Variants in GCH1 observed in about 807,000 individuals in gnomAD.
GCH1 encodes the protein GTP cyclohydrolase 1, also known as GTP cyclohydrolase I.
GCH1 carries 5 observed loss-of-function variants against 25.9 expected under a neutral mutation model. The observed-to-expected ratio is 0.19, with a 90% confidence interval of 0.10 to 0.41. The LOEUF (loss-of-function observed/expected upper bound fraction) is 0.41. GCH1 is among the 10% of genes least tolerant of loss of function. The probability of loss-of-function intolerance (pLI) is 1.00; values close to 1 mark genes in which losing one functional copy is unlikely to be tolerated. For synonymous variants in GCH1, 159 were observed against 129.6 expected (o/e 1.23, Z -1.54); for missense variants, 261 against 336.5 (o/e 0.78, Z 1.75).
rs2039592747 is a variant in GCH1 at position 54,843,599 on chromosome 14, CG to C, written c.*417del. The C allele has an allele frequency of 2.1e-6, 3 of 1,442,068 alleles. No homozygotes were observed. Among genetic ancestry groups the C allele is most frequent in the South Asian group, 3.1e-5 (2 of 65,146 alleles). The allele number at this position is 1,442,068 out of a possible 1,614,324, so 89.3% of individuals were successfully genotyped here. A position where few individuals can be genotyped will look rare whatever the true frequency, so the allele number is the denominator to read the frequency against. The stretch of plus-strand genomic sequence containing the variant: ...ACCGCACTAAATATTTTAGCACTTT[CG>C]GCACTACACCACTTTTATTGGAGGA... On this transcript the variant is annotated 3_prime_UTR_variant, in exon 6 of 6. Transcript: ENST00000491895.
rs536123445 is a variant in GCH1, at chr14:54,863,746, G to A, written c.453+1581C>T. 5.9e-5 allele frequency among the ~76,000 whole-genome samples: 9 copies of A among 152,250 alleles called. No homozygotes were observed. The East Asian group carries it at 7.7e-4, about 13-fold the overall frequency. On this transcript the variant is annotated intron_variant, in intron 2 of 5. Transcript: ENST00000491895. ...AGAAAACGAATCCATAGGGTTATAAGTTGATAAACTGATACAAAGGATGGA... is the reference window on the plus strand; with the variant it reads ...AGAAAACGAATCCATAGGGTTATAAATTGATAAACTGATACAAAGGATGGA...
intron 1 of GCH1, among the ~76,000 whole-genome samples, chr14:54,871,788 GT>G (rs1300076555): frequency 1.0e-4 from 15 of 149,406 alleles, no homozygotes; most frequent in Non-Finnish European, 2.2e-4. Context: ...AAGAAGAGAA[GT>G]TTAGAGAAAA....
chr14:54,885,519 A>G (rs982596928), intron 1 of GCH1: 3 of 328,348 alleles, frequency 9.1e-6, no homozygotes, highest in South Asian at 2.9e-5. Flanking sequence ...CCAAACCTAC[A>G]CCTGGCTTCT....
At chr14:54,897,569 G>A (rs902678278) in intron 1 of GCH1, among the ~76,000 whole-genome samples, 3 of 151,998 alleles carry the variant, frequency 2.0e-5, no homozygotes, top group Non-Finnish European at 2.9e-5. Flanking sequence ...GATTACAGGC[G>A]TGAGCCACCG....
intron 1 of GCH1, among the ~76,000 whole-genome samples, chr14:54,886,541 A>G (rs377362698): frequency 3.3e-5 from 5 of 152,098 alleles, no homozygotes; most frequent in Non-Finnish European, 5.9e-5. Flanking sequence ...GAACCCGGGA[A>G]GCGGAGCTTG....
Position 54,902,612 on chromosome 14 carries a change from A to T in GCH1, c.52T>A (p.Cys18Ser), listed in dbSNP as rs1299121897. 6.7e-7 allele frequency: 1 copy of T among 1,490,710 alleles called. No homozygotes were observed. Among genetic ancestry groups the T allele is most frequent in the Non-Finnish European group, 8.9e-7 (1 of 1,122,640 alleles). 92.3% of individuals were successfully genotyped at this position (1,490,710 alleles called of 1,614,324 possible). A position where few individuals can be genotyped will look rare whatever the true frequency, so the allele number is the denominator to read the frequency against. Residue 18 changes from cysteine to serine, a missense_variant, in exon 1 of 6, where the codon TGC becomes AGC. Physicochemically the swap from Cys to Ser is moderately radical, Grantham distance 112. Around this residue, in one of 3 missense-constraint regions of GCH1, gnomAD observed 125 missense variants for 128.7 expected, o/e 0.97. Transcript: ENST00000491895. ...TCCCGCTCGGGGAACCCATTGCTGCACCTGGCGCCCCGCGGCTTCTCCGCC... is the reference window on the plus strand; with the variant it reads ...TCCCGCTCGGGGAACCCATTGCTGCTCCTGGCGCCCCGCGGCTTCTCCGCC... ...APAEKPRGAR[C>S]SNGFPERDPP...
intron 3 of GCH1, among the ~76,000 whole-genome samples, chr14:54,854,900 T>C (rs2039785506): frequency 6.6e-6 from 1 of 152,210 alleles, no homozygotes; most frequent in African/African-American, 2.4e-5. Flanking sequence ...TTTATTAGAG[T>C]ATAAACTGGC....
intron 2 of GCH1, among the ~76,000 whole-genome samples, chr14:54,862,382 T>C (rs2039913000): frequency 7.4e-6 from 1 of 135,488 alleles, no homozygotes; most frequent in Non-Finnish European, 1.5e-5. Context: ...CACTACTCTT[T>C]TTTTTTTTTT....
Position 54,843,786 on chromosome 14 carries a change from T to C in GCH1, c.*231A>G, listed in dbSNP as rs757509022. ...TGGTTTTGTGCACGTACTTACACTATTAGCAGTTCACTTTAATATTGCCAC... is the reference window on the plus strand; with the variant it reads ...TGGTTTTGTGCACGTACTTACACTACTAGCAGTTCACTTTAATATTGCCAC... On this transcript the variant is annotated 3_prime_UTR_variant, in exon 6 of 6. Coordinates refer to ENST00000491895, the MANE Select transcript of GCH1 (RefSeq NM_000161.3). 4.3e-6 allele frequency: 7 copies of C among 1,614,048 alleles called. No homozygotes were observed. The highest frequency in any genetic ancestry group is 4.2e-6 in the Non-Finnish European group (5 of 1,179,904).
chr14:54,864,991 G>T (rs559127365), intron 2 of GCH1, among the ~76,000 whole-genome samples: 2 of 151,662 alleles, frequency 1.3e-5, no homozygotes, highest in African/African-American at 4.8e-5. Context: ...AGATTGGGAT[G>T]CTAATAATAA....
rs1252697277 is a variant in GCH1, at chr14:54,844,162, C to A, written c.627-19G>T. The A allele has an allele frequency of 6.3e-7, 1 of 1,580,952 alleles. No homozygotes were observed. The highest frequency in any genetic ancestry group is 2.2e-5 in the East Asian group (1 of 44,726). The stretch of plus-strand genomic sequence containing the variant: ...CATGTGTCTACAAAATAAGGCAACA[C>A]AGGTTGTTTAAAGGAGTAGACAGCT... On this transcript the variant is annotated intron_variant, in intron 5 of 5. Transcript: ENST00000491895.
chr14:54,848,136 C>CT (rs376044763), intron 3 of GCH1, among the ~76,000 whole-genome samples: 14,007 of 137,322 alleles, frequency 0.1, 897 homozygotes, highest in Non-Finnish European at 0.14. Flanking sequence ...AAATTTTCCT[C>CT]TTTTTTTTTT....
chr14:54,844,516 A>G (rs899919732), intron 5 of GCH1, among the ~76,000 whole-genome samples: 1 of 152,260 alleles, frequency 6.6e-6, no homozygotes, highest in Non-Finnish European at 1.5e-5. Flanking sequence ...AAAGAAAGTC[A>G]GAATTCTCAC....
chr14:54,874,203 A>T (rs553714454), intron 1 of GCH1, among the ~76,000 whole-genome samples: 1 of 152,382 alleles, frequency 6.6e-6, no homozygotes, highest in African/African-American at 2.4e-5. Flanking sequence ...CAAATCAATA[A>T]ATGTAATCCA....
intron 3 of GCH1, among the ~76,000 whole-genome samples, chr14:54,849,774 A>G (rs1295612065): frequency 2.0e-5 from 3 of 152,090 alleles, no homozygotes; most frequent in Admixed American, 6.5e-5. Flanking sequence ...ATTCTCATTC[A>G]TATTTTCTAC....
chr14:54,894,391 A>G (rs531159857), intron 1 of GCH1, among the ~76,000 whole-genome samples: 1 of 152,288 alleles, frequency 6.6e-6, no homozygotes, highest in African/African-American at 2.4e-5. Context: ...AGAGGCAAGG[A>G]CAGCCTCCCC....
At chr14:54,890,410 A>C (rs1175024040) in intron 1 of GCH1, among the ~76,000 whole-genome samples, 1 of 152,222 alleles carries the variant, frequency 6.6e-6, no homozygotes, top group Admixed American at 6.5e-5. Flanking sequence ...AGGCAGGAGA[A>C]TCGCTTGAAC....
intron 1 of GCH1, among the ~76,000 whole-genome samples, chr14:54,880,799 T>G (rs1201514213): frequency 1.3e-5 from 1 of 74,290 alleles, no homozygotes; most frequent in Admixed American, 1.5e-4. Flanking sequence ...TCCATATATA[T>G]ATATATACTC....
At chr14:54,888,530 TG>T (rs138769958) in intron 1 of GCH1, among the ~76,000 whole-genome samples, 31,049 of 149,718 alleles carry the variant, frequency 0.21, 4,388 homozygotes, top group East Asian at 0.42. Flanking sequence ...TTTTTTTTTT[TG>T]AGATGGAGTC....
Sources: allele counts gnomAD v4.1 joint callset (sites outside exome capture counted in the v4.1 genomes callset), GRCh38; gene constraint gnomAD v4.1.1; regional missense constraint gnomAD v4.1.1; transcripts MANE v1.5; gene names NCBI Gene and HGNC (gene_info 2026-07-23, HGNC 2026-07-21).